Variants in SPTBN5 observed in about 807,000 individuals in gnomAD.
SPTBN5 encodes spectrin beta chain, non-erythrocytic 5.
SPTBN5 carries 513 observed loss-of-function variants against 477.6 expected under a neutral mutation model. The observed-to-expected ratio is 1.07, with a 90% CI of 1.00 to 1.16. The LOEUF (loss-of-function observed/expected upper bound fraction) is 1.16, where lower values mean the gene tolerates loss of function less well. SPTBN5 is among the 50% of genes most tolerant of loss of function. The probability of loss-of-function intolerance (pLI) is 0.00; values close to 1 mark genes in which losing one functional copy is unlikely to be tolerated. For synonymous variants in SPTBN5, 2,169 were observed against 2,011.7 expected, an observed-to-expected ratio of 1.08 and a Z score of -2.09; for missense variants, 5,062 against 4,731.8, an observed-to-expected ratio of 1.07 and a Z score of -2.05.
rs777113037 is a variant in SPTBN5, at chr15:41,862,869, T to C, written c.7184A>G (p.Asp2395Gly). The change falls in exon 42 of 68, where the codon GAT becomes GGT. Residue 2395 changes from aspartate to glycine, a missense_variant. Physicochemically the swap from Asp to Gly is moderately conservative, Grantham distance 94. Coordinates refer to ENST00000320955, the MANE Select transcript of SPTBN5 (RefSeq NM_016642.4). ...CAGCAGCCTCTGCACGCTCTCCAGA[T>C]CTTTCCCACAGTCCAGGGCCTGGAT... is the stretch of plus-strand genomic sequence containing the variant. ...ALIQALDCGK[D>G]LESVQRLLRK... The C allele has an allele frequency of 1.3e-6, 2 of 1,588,902 alleles. No homozygotes were observed. The highest frequency in any genetic ancestry group is 3.5e-5 in the Admixed American group (2 of 56,610).
Position 41,858,610 on chromosome 15 carries a change from G to T in SPTBN5, c.8218C>A (p.Leu2740Met), listed in dbSNP as rs2065996992. ...LDASMHQQQE[L>M]QREGQRLLQG... ...TGCCTGCAGGGCCTCACCCGCTGCA[G>T]CTCCTGCTGTTGGTGCATGCTCGCG... The change falls in exon 49 of 68, where the codon CTG becomes ATG. Residue 2740 changes from leucine (L) to methionine (M), a missense_variant. Transcript: ENST00000320955. The T allele has an allele frequency of 6.2e-7, 1 of 1,610,982 alleles. No individual in the cohort carries two copies. The highest frequency in any genetic ancestry group is 1.7e-5 in the Admixed American group (1 of 59,826).
chr15:41,850,282 C>T (rs1429388220), intron 66 of SPTBN5: 1 of 356,176 alleles, frequency 2.8e-6, no homozygotes, highest in Non-Finnish European at 5.3e-6. Context: ...GAGGAGAGTC[C>T]AGGGGAACCA....
In SPTBN5 at chr15:41,852,550, C is replaced by A. The variant is rs1259224709; in HGVS notation, c.10449+84G>T. ...GGTAAGGCAGGGCCGGGTGAGGGCTCAGTGCCCTGGGAGACACTGACTTGC... is the reference window on the plus strand; with the variant it reads ...GGTAAGGCAGGGCCGGGTGAGGGCTAAGTGCCCTGGGAGACACTGACTTGC... On this transcript the variant is annotated intron_variant, in intron 61 of 67. Coordinates refer to ENST00000320955, the MANE Select transcript of SPTBN5 (RefSeq NM_016642.4). 2.0e-6 allele frequency: 3 copies of A among 1,466,084 alleles called. No individual in the cohort carries two copies. In the African/African-American group the frequency reaches 4.2e-5, roughly 20 times the overall value. 90.8% of individuals were successfully genotyped at this position (1,466,084 alleles called of 1,614,324 possible).
chr15:41,888,529 C>T (rs1174734946), intron 4 of SPTBN5, among the ~76,000 whole-genome samples: 1 of 152,178 alleles, frequency 6.6e-6, no homozygotes, highest in Admixed American at 6.5e-5. Flanking sequence ...GGCACGATCT[C>T]GGCTCATTGC....
At chr15:41,861,649 G>A in intron 45 of SPTBN5, 86 bp downstream of exon 45, 1 of 1,505,118 alleles carries the variant, frequency 6.6e-7, no homozygotes. Context: ...AGCCCCTCCA[G>A]TCTTAGCCTT....
In SPTBN5 at chr15:41,863,713, A is replaced by G; in HGVS notation, c.7140T>C (p.Ile2380=). 6.2e-7 allele frequency: 1 copy of G among 1,613,098 alleles called. No individual in the cohort carries two copies. Among genetic ancestry groups the G allele is most frequent in the Non-Finnish European group, 8.5e-7 (1 of 1,179,610 alleles). Residue 2380 remains isoleucine, a synonymous_variant, in exon 41 of 68, where the codon ATT becomes ATC. Transcript: ENST00000320955. ...TCTTTCCACCACGTACCTTCTCCTG[A>G]ATCCTCTTGGTGACATTGTCCAGCT... ...SRELDNVTKR[I]QEKEALIQAL... is the part of the protein sequence containing the mutation.
In SPTBN5 at chr15:41,869,868, T is replaced by C. The variant is rs777167090; in HGVS notation, c.5826A>G (p.Ala1942=). ...CCGTGCGGAAGCGGGCCAGGAGGCGTGCCCGCTCCAGCTGGGCCCTGCGCT... is the reference window on the plus strand; with the variant it reads ...CCGTGCGGAAGCGGGCCAGGAGGCGCGCCCGCTCCAGCTGGGCCCTGCGCT... The part of the protein sequence containing the change: ...MEQRRAQLER[A]RLLARFRTAV... The change falls in exon 32 of 68, where the codon GCA becomes GCG. Residue 1942 remains alanine (A), a synonymous_variant. Transcript: ENST00000320955. 13 of 1,558,550 alleles carry C rather than the reference T, an allele frequency of 8.3e-6. No homozygotes were observed. The African/African-American group carries it at 1.5e-4, about 18-fold the overall frequency.
At chr15:41,870,416 T>C (rs1005381831) in intron 30 of SPTBN5, 30 bp downstream of exon 30, 3 of 1,611,242 alleles carry the variant, frequency 1.9e-6, no homozygotes, top group Non-Finnish European at 2.5e-6. Context: ...CTGGAGTGTA[T>C]CCACTTCTAG....
In SPTBN5 at chr15:41,854,980, CAAAGGTA is replaced by C; in HGVS notation, c.9424-11_9424-5del. The stretch of plus-strand genomic sequence containing the variant: ...CATCAAACTTCTCTTCCAGCACCTG[CAAAGGTA>C]TGAGGCCCAGCAGGGTCACTTGAGA... On this transcript the variant is annotated splice_polypyrimidine_tract_variant and splice_region_variant and intron_variant, in intron 55 of 67. Transcript: ENST00000320955. 1 of 1,536,580 alleles carries C rather than the reference CAAAGGTA, an allele frequency of 6.5e-7. No homozygotes were observed. The highest frequency in any genetic ancestry group is 1.3e-5 in the South Asian group (1 of 79,234).
At chr15:41,876,736 A>T (rs777229791) in intron 19 of SPTBN5, 73 bp downstream of exon 19, 250 of 1,530,044 alleles carry the variant, frequency 1.6e-4, no homozygotes, top group Non-Finnish European at 2.2e-4. Context: ...CTACTCTCCC[A>T]GCCCTAGGGC....
chr15:41,875,555 A>C lies in SPTBN5; in HGVS notation c.4190T>G (p.Leu1397Arg). ...GTTCAAAGCTTCCCACTTGCTTCTCAGGCCTTGAAGCCTGGTCTGTATGTC... is the reference window on the plus strand; with the variant it reads ...GTTCAAAGCTTCCCACTTGCTTCTCCGGCCTTGAAGCCTGGTCTGTATGTC... The part of the protein sequence containing the change: ...QEDIQTRLQG[L>R]RSKWEALNRK... Residue 1397 changes from leucine to arginine, a missense_variant, in exon 22 of 68, where the codon CTG becomes CGG. Leu to Arg is a moderately radical substitution (Grantham distance 102). Coordinates refer to ENST00000320955, the MANE Select transcript of SPTBN5 (RefSeq NM_016642.4). The C allele has an allele frequency of 6.2e-7, 1 of 1,609,886 alleles. No homozygotes were observed. The highest frequency in any genetic ancestry group is 8.5e-7 in the Non-Finnish European group (1 of 1,178,240).
At chr15:41,879,143 G>T in intron 16 of SPTBN5, 117 bp downstream of exon 16, 1 of 1,248,052 alleles carries the variant, frequency 8.0e-7, no homozygotes, top group Non-Finnish European at 1.1e-6. Flanking sequence ...CTTTGCCACA[G>T]CCCTCCTACC....
chr15:41,865,729 C>T, intron 39 of SPTBN5, 79 bp downstream of exon 39: 2 of 1,334,374 alleles, frequency 1.5e-6, no homozygotes, highest in South Asian at 1.4e-5. Context: ...TGCTCTACAG[C>T]CCACACTCTT....
chr15:41,869,395 C>T (rs1313890870), intron 32 of SPTBN5, among the ~76,000 whole-genome samples: 1 of 152,232 alleles, frequency 6.6e-6, no homozygotes, highest in Non-Finnish European at 1.5e-5. Context: ...TCGGGCTCAT[C>T]TCCCCAGGAA....
chr15:41,852,392 C>A (rs1473064242), intron 61 of SPTBN5, 76 bp from the exon 62 acceptor site: 6 of 1,487,102 alleles, frequency 4.0e-6, no homozygotes, highest in Non-Finnish European at 3.6e-6. Flanking sequence ...CGTCTACCTC[C>A]CCTCCCCCAG....
intron 16 of SPTBN5, among the ~76,000 whole-genome samples, 186 bp from the exon 17 acceptor site, chr15:41,878,815 C>T (rs577651472): frequency 7.9e-5 from 12 of 152,298 alleles, no homozygotes; most frequent in African/African-American, 2.9e-4. Context: ...AGCCTGTAAT[C>T]CCAGCACTTT....
chr15:41,883,155 A>G lies in SPTBN5; in HGVS notation c.1733T>C (p.Leu578Pro), dbSNP rs774893326. 6.2e-7 allele frequency: 1 copy of G among 1,612,900 alleles called. No homozygotes were observed. The highest frequency in any genetic ancestry group is 1.1e-5 in the South Asian group (1 of 90,986). The change falls in exon 9 of 68, where the codon CTG (leucine) becomes CCG (proline). Residue 578 changes from leucine to proline, a missense_variant. By Grantham distance (98) the Leu-to-Pro change is moderately conservative. Coordinates refer to ENST00000320955, the MANE Select transcript of SPTBN5 (RefSeq NM_016642.4). ...TCCGTGGGCCGAGACTTGAGCCTCC[A>G]GCAGGTCATGCCTCTGCAGCAGCTC... The part of the protein sequence containing the change: ...VVELLQRHDL[L>P]EAQVSAHGAH...
In SPTBN5 at chr15:41,882,053, G is replaced by A. The variant is rs763964989; in HGVS notation, c.2340C>T (p.Ala780=). Residue 780 remains alanine, a synonymous_variant, in exon 12 of 68, where the codon GCC becomes GCT. Coordinates refer to ENST00000320955, the MANE Select transcript of SPTBN5 (RefSeq NM_016642.4). ...GCACGTGGCGCCTCAGCAGGGTCTC[G>A]GCGGCCGCCTGGTCCTGACCGCAGG... The part of the protein sequence containing the change: ...RASCGQDQAA[A]ETLLRRHVRL... 1.7e-5 allele frequency: 27 copies of A among 1,558,540 alleles called. No homozygotes were observed. The highest frequency in any genetic ancestry group is 2.3e-4 in the Middle Eastern group (1 of 4,432).
At chr15:41,878,728 G>A (rs902736164) in intron 16 of SPTBN5, 99 bp from the exon 17 acceptor site, 9 of 1,335,802 alleles carry the variant, frequency 6.7e-6, no homozygotes, top group Non-Finnish European at 7.0e-6. Flanking sequence ...AGGGAGAGTG[G>A]TGCTGACTCT....
Sources: gnomAD v4.1 joint callset for allele counts (sites outside exome capture counted in the v4.1 genomes callset) on GRCh38, gnomAD v4.1.1 for gene constraint, MANE v1.5 for transcripts, NCBI Gene and HGNC (gene_info 2026-07-23, HGNC 2026-07-21) for gene names.